The following SMAD1 variants were observed in gnomAD, a reference collection of about 807,000 sequenced individuals.
SMAD1 encodes the protein SMAD family member 1.
In SMAD1, 6 loss-of-function variants were observed where a neutral mutation model predicts 41.6. That is an observed-to-expected ratio of 0.14 (90% confidence interval 0.08 to 0.28). The LOEUF (loss-of-function observed/expected upper bound fraction) is 0.28, where lower values mean the gene tolerates loss of function less well. Among genes scored for constraint, SMAD1 ranks in the 10% least tolerant of loss-of-function variants. The pLI, the probability that SMAD1 is intolerant of heterozygous loss-of-function variation, is 1.00. For synonymous variants in SMAD1, 206 were observed against 203.2 expected, an observed-to-expected ratio of 1.01 and a Z score of -0.12; for missense variants, 379 against 582.6, an observed-to-expected ratio of 0.65 and a Z score of 3.60.
chr4:145,511,590 A>G (rs1730081120), intron 1 of SMAD1, among the ~76,000 whole-genome samples: 2 of 152,072 alleles, frequency 1.3e-5, no homozygotes, highest in East Asian at 1.9e-4. Context: ...TAACCCATCT[A>G]TTAGCTTGTT....
intron 2 of SMAD1, among the ~76,000 whole-genome samples, chr4:145,520,457 T>A (rs1176119696): frequency 1.3e-5 from 2 of 152,192 alleles, no homozygotes; most frequent in African/African-American, 4.8e-5. Flanking sequence ...ACTGCAAAAG[T>A]TTGAGAACCA....
At chr4:145,486,854 T>C (rs1174745671) in intron 1 of SMAD1, among the ~76,000 whole-genome samples, 2 of 152,216 alleles carry the variant, frequency 1.3e-5, no homozygotes, top group Non-Finnish European at 2.9e-5. Flanking sequence ...AGCCAAGATC[T>C]GGACTCCTCT....
At chr4:145,508,809 G>A (rs1041702130) in intron 1 of SMAD1, among the ~76,000 whole-genome samples, 2 of 152,170 alleles carry the variant, frequency 1.3e-5, no homozygotes, top group Admixed American at 6.5e-5. Context: ...TACCTGGATG[G>A]CCTCTTCTCT....
At chr4:145,548,536 C>T (rs776558511) in intron 5 of SMAD1, among the ~76,000 whole-genome samples, 6 of 152,026 alleles carry the variant, frequency 3.9e-5, no homozygotes, top group African/African-American at 7.2e-5. Flanking sequence ...GGCCTCAGTA[C>T]GGTATTGAAT....
At position 145,499,595 on chromosome 4, in the gene SMAD1, A is replaced by G. The variant is rs1173502405; in HGVS notation, c.-176-14843A>G. Among the ~76,000 whole-genome samples, 3 of 152,218 alleles carry G rather than the reference A, an allele frequency of 2.0e-5. No homozygotes were observed. In the East Asian group the frequency reaches 5.8e-4, roughly 29 times the overall value. On this transcript the variant is annotated intron_variant, in intron 1 of 6. Transcript: ENST00000302085. ...ATGCCACTGCACTCCAGCGTGGGCA[A>G]CAGAGCAAGACCATGTCTCAAGAAA...
chr4:145,537,620 C>T (rs1731687519), intron 2 of SMAD1, among the ~76,000 whole-genome samples: 2 of 151,974 alleles, frequency 1.3e-5, no homozygotes, highest in Admixed American at 6.6e-5. Flanking sequence ...AAAATTGTAT[C>T]ATCAGATAAA....
intron 2 of SMAD1, among the ~76,000 whole-genome samples, chr4:145,529,667 T>C (rs1460513441): frequency 6.6e-6 from 1 of 152,224 alleles, no homozygotes; most frequent in African/African-American, 2.4e-5. Context: ...ATCTGTATAC[T>C]GTCAAAGAAT....
intron 1 of SMAD1, among the ~76,000 whole-genome samples, chr4:145,487,050 A>G (rs1297024005): frequency 1.3e-5 from 2 of 152,190 alleles, no homozygotes; most frequent in Non-Finnish European, 2.9e-5. Context: ...TGACAACCAG[A>G]GAGAAATGCT....
chr4:145,547,983 C>A (rs1578825567), intron 5 of SMAD1, among the ~76,000 whole-genome samples: 1 of 152,036 alleles, frequency 6.6e-6, no homozygotes, highest in African/African-American at 2.4e-5. Flanking sequence ...ATACCATGTC[C>A]CACTAAAAGG....
At chr4:145,515,174 G>C (rs111946727) in intron 2 of SMAD1, among the ~76,000 whole-genome samples, 161 bp downstream of exon 2, 52 of 150,224 alleles carry the variant, frequency 3.5e-4, no homozygotes, top group African/African-American at 1.3e-3. Context: ...GTGTGTGTGT[G>C]TGTCTGTGTG....
In SMAD1 at chr4:145,536,306, G is replaced by T. The variant is rs915423840; in HGVS notation, c.401-3498G>T. 3.3e-5 allele frequency among the ~76,000 whole-genome samples: 5 copies of T among 152,090 alleles called. No individual in the cohort carries two copies. In the East Asian group the frequency reaches 9.6e-4, roughly 29 times the overall value. Reference sequence around the variant, plus strand: ...GAAGACAGCCAAATCCCAGATTTTGGTTTCTAAATACTATTCCTCACTAAA... The same window carrying T: ...GAAGACAGCCAAATCCCAGATTTTGTTTTCTAAATACTATTCCTCACTAAA... On this transcript the variant is annotated intron_variant, in intron 2 of 6. Transcript: ENST00000302085.
chr4:145,551,067 A>G (rs945314636), intron 5 of SMAD1, among the ~76,000 whole-genome samples: 11 of 152,232 alleles, frequency 7.2e-5, no homozygotes, highest in African/African-American at 2.7e-4. Context: ...AGGATAAACA[A>G]GTGAGGCTAG....
intron 1 of SMAD1, among the ~76,000 whole-genome samples, chr4:145,505,831 GA>G (rs1037790030): frequency 4.0e-5 from 6 of 151,120 alleles, no homozygotes; most frequent in Non-Finnish European, 8.9e-5. Flanking sequence ...TTCCAAAAAG[GA>G]AAAAAAAGGT....
At chr4:145,520,805 A>C (rs1328366388) in intron 2 of SMAD1, among the ~76,000 whole-genome samples, 1 of 152,218 alleles carries the variant, frequency 6.6e-6, no homozygotes, top group Admixed American at 6.5e-5. Flanking sequence ...GGACGGGAAT[A>C]ATTGTTGCTT....
At chr4:145,481,401 G>A (rs541874164), upstream of SMAD1, 6 of 152,294 alleles carry the variant, frequency 3.9e-5, no homozygotes, top group South Asian at 1.2e-3. Context: ...GTCTCGAAAG[G>A]TAACTGTCAA....
intron 1 of SMAD1, among the ~76,000 whole-genome samples, chr4:145,502,652 A>C (rs977157084): frequency 6.6e-6 from 1 of 152,222 alleles, no homozygotes; most frequent in African/African-American, 2.4e-5. Context: ...TTAATAGCAC[A>C]CTTGGCACAC....
chr4:145,519,997 GA>G (rs1371616083), intron 2 of SMAD1, among the ~76,000 whole-genome samples: 1 of 151,888 alleles, frequency 6.6e-6, no homozygotes, highest in East Asian at 1.9e-4. Flanking sequence ...TATTTAATTT[GA>G]AAAAAATGTT....
chr4:145,533,811 A>G (rs921393254), intron 2 of SMAD1, among the ~76,000 whole-genome samples: 4 of 152,238 alleles, frequency 2.6e-5, no homozygotes, highest in African/African-American at 9.6e-5. Flanking sequence ...AAGAAGCCTC[A>G]TTTAATCTCA....
intron 2 of SMAD1, among the ~76,000 whole-genome samples, chr4:145,532,570 A>G (rs1045585151): frequency 1.3e-5 from 2 of 152,228 alleles, no homozygotes; most frequent in South Asian, 2.1e-4. Context: ...ACAAAGAAAG[A>G]TGTTTTAACA....
Sources: gnomAD v4.1 joint callset for allele counts (sites outside exome capture counted in the v4.1 genomes callset) on GRCh38, gnomAD v4.1.1 for gene constraint, MANE v1.5 for transcripts, NCBI Gene and HGNC (gene_info 2026-07-23, HGNC 2026-07-21) for gene names.